Variants in APOO observed in about 807,000 individuals in gnomAD.
The protein encoded by APOO is apolipoprotein O, also known as MICOS complex subunit MIC26.
In APOO, 11 loss-of-function variants were observed where a neutral mutation model predicts 23.1. That is an observed-to-expected ratio of 0.48 (90% CI 0.30 to 0.79). The LOEUF is 0.79. Ranked by LOEUF, APOO falls within the 30% of genes least tolerant of loss-of-function variation. APOO has a pLI of 0.07. For missense variants in APOO, 160 were observed against 142.7 expected, an observed-to-expected ratio of 1.12 and a Z score of -0.62; for synonymous variants, 59 against 54.8, an observed-to-expected ratio of 1.08 and a Z score of -0.34.
chrX:23,906,295 A>G (rs1927351183), intron 1 of APOO, among the ~76,000 whole-genome samples: 1 of 112,913 alleles, frequency 8.9e-6, no homozygotes, highest in South Asian at 3.6e-4. Flanking sequence ...CCAACAATAG[A>G]TAACTGAGAC....
chrX:23,834,969 T>C (rs1051165594), intron 8 of APOO, among the ~76,000 whole-genome samples: 9 of 108,272 alleles, frequency 8.3e-5, no homozygotes, highest in African/African-American at 3.0e-4. Context: ...GTGATCTGCT[T>C]GCCTCAGCTT....
intron 5 of APOO, among the ~76,000 whole-genome samples, chrX:23,865,127 T>G (rs1175434885): frequency 9.0e-6 from 1 of 111,530 alleles, no homozygotes; most frequent in African/African-American, 3.3e-5. Flanking sequence ...TGGTGGCCAA[T>G]GCTGGGGAGA....
intron 1 of APOO, among the ~76,000 whole-genome samples, chrX:23,897,347 TGAGATAATTGTTCATTTAGGCAGG>T (rs2147047332): frequency 9.0e-6 from 1 of 111,196 alleles, no homozygotes; most frequent in Non-Finnish European, 1.9e-5. Context: ...GGCCAAAGAG[TGAGATAATTGTTCATTTAGGCAGG>T]TTTTGAGTCA....
chrX:23,883,833 GT>G (rs761702569), intron 1 of APOO: 1 of 112,070 alleles, frequency 8.9e-6, no homozygotes, highest in African/African-American at 3.2e-5. Flanking sequence ...TTCCCTAGGG[GT>G]TTTGAGCAGT....
intron 5 of APOO, among the ~76,000 whole-genome samples, chrX:23,864,366 G>A (rs925734655): frequency 1.8e-5 from 2 of 109,846 alleles, no homozygotes; most frequent in Admixed American, 9.8e-5. Flanking sequence ...GCAGTGGTGC[G>A]ATCTCGGCTT....
intron 1 of APOO, among the ~76,000 whole-genome samples, chrX:23,905,048 A>G (rs747529330): frequency 9.1e-6 from 1 of 110,109 alleles, no homozygotes; most frequent in East Asian, 2.9e-4. Context: ...GGTGTCCTCC[A>G]AGGTTTGTTG....
In APOO at chrX:23,856,273, A is replaced by T. The variant is rs148339162; in HGVS notation, c.561+29T>A. ...AGAGAAACCACATATTTAAACCAAA[A>T]GGAAGATAATGAAAAAGATGCTCCT... On this transcript the variant is annotated intron_variant, in intron 7 of 8. Transcript: ENST00000379226. 4,391 of 1,168,984 alleles carry T rather than the reference A, an allele frequency of 3.8e-3. 131 individuals carry two copies. The African/African-American group carries it at 0.069, about 18-fold the overall frequency.
chrX:23,907,838 T>C lies in APOO; in HGVS notation c.-136A>G. On this transcript the variant is annotated 5_prime_UTR_variant, in exon 1 of 9. Coordinates refer to ENST00000379226, the MANE Select transcript of APOO (RefSeq NM_024122.5). Reference sequence around the variant, plus strand: ...GCAGCGGTGCGGGTGACGGCCGTACTGCAAACTCGGTGCGGCGAAGGTTTA... The same window carrying C: ...GCAGCGGTGCGGGTGACGGCCGTACCGCAAACTCGGTGCGGCGAAGGTTTA... 5.8e-6 allele frequency: 4 copies of C among 687,508 alleles called. No homozygotes were observed. Among genetic ancestry groups the C allele is most frequent in the Non-Finnish European group, 8.1e-6 (4 of 492,539 alleles). 56.7% of individuals were successfully genotyped at this position (687,508 alleles called of 1,213,427 possible).
intron 4 of APOO, among the ~76,000 whole-genome samples, chrX:23,870,672 T>C (rs1016630793): frequency 4.6e-5 from 5 of 109,370 alleles, no homozygotes; most frequent in African/African-American, 1.7e-4. Flanking sequence ...ATGTCTGTGG[T>C]CCCAGCTACT....
chrX:23,835,946 T>C (rs185001740), intron 8 of APOO, among the ~76,000 whole-genome samples: 283 of 112,229 alleles, frequency 2.5e-3, no homozygotes, highest in African/African-American at 8.9e-3. Context: ...TTTCAACAGA[T>C]AAATAGCAAG....
At chrX:23,901,114 G>A (rs926208381) in intron 1 of APOO, among the ~76,000 whole-genome samples, 1 of 111,970 alleles carries the variant, frequency 8.9e-6, no homozygotes, top group Non-Finnish European at 1.9e-5. Context: ...TTAATTTCAG[G>A]AAGACAGGCA....
intron 1 of APOO, among the ~76,000 whole-genome samples, chrX:23,893,744 G>A (rs1429219071): frequency 9.1e-6 from 1 of 109,813 alleles, no homozygotes; most frequent in Non-Finnish European, 1.9e-5. Flanking sequence ...AATTTTTTTT[G>A]TATTTTCAGT....
rs751827926 is a variant in APOO at position 23,863,881 on chromosome X, A to T, written c.388+4712T>A. On this transcript the variant is annotated intron_variant, in intron 5 of 8. Coordinates refer to ENST00000379226, the MANE Select transcript of APOO (RefSeq NM_024122.5). Reference sequence around the variant, plus strand: ...TGGAGAAACCTGAGAATGAGGTTAAAAAAACCAGTAGAGGATGAAACTAGA... The same window carrying T: ...TGGAGAAACCTGAGAATGAGGTTAATAAAACCAGTAGAGGATGAAACTAGA... Among the ~76,000 whole-genome samples, 6 of 111,457 alleles carry T rather than the reference A, an allele frequency of 5.4e-5. No homozygotes were observed. In the East Asian group the frequency reaches 1.7e-3, roughly 31 times the overall value.
intron 7 of APOO, among the ~76,000 whole-genome samples, chrX:23,843,686 C>T (rs1414076677): frequency 9.7e-6 from 1 of 103,162 alleles, no homozygotes; most frequent in African/African-American, 3.5e-5. Context: ...TGGGTTCAAA[C>T]GATTCTCCTG....
At chrX:23,854,335 T>C (rs183335003) in intron 7 of APOO, among the ~76,000 whole-genome samples, 1,834 of 111,760 alleles carry the variant, frequency 0.016, 47 homozygotes, top group African/African-American at 0.056. Flanking sequence ...CAGTGAGCAC[T>C]CCGGGGAGCC....
intron 1 of APOO, among the ~76,000 whole-genome samples, chrX:23,895,945 G>A (rs1322751783): frequency 9.1e-6 from 1 of 110,184 alleles, no homozygotes; most frequent in Admixed American, 9.8e-5. Flanking sequence ...CATACCAAGG[G>A]TATATTTGAA....
At chrX:23,902,605 C>T (rs1927174046) in intron 1 of APOO, among the ~76,000 whole-genome samples, 1 of 112,054 alleles carries the variant, frequency 8.9e-6, no homozygotes, top group South Asian at 3.7e-4. Context: ...AATGCAAATA[C>T]TGGGCAGCTT....
chrX:23,890,170 T>C (rs1001166707), intron 1 of APOO, among the ~76,000 whole-genome samples: 4 of 111,944 alleles, frequency 3.6e-5, no homozygotes, highest in Non-Finnish European at 7.5e-5. Context: ...AAGTATAAAA[T>C]GAAAACTGTC....
At chrX:23,892,255 A>ATT (rs765843540) in intron 1 of APOO, among the ~76,000 whole-genome samples, 5 of 98,432 alleles carry the variant, frequency 5.1e-5, no homozygotes, top group African/African-American at 1.8e-4. Context: ...CCAGCTAATT[A>ATT]TTTTTTTTTT....
Sources: allele counts gnomAD v4.1 joint callset (sites outside exome capture counted in the v4.1 genomes callset), GRCh38; gene constraint gnomAD v4.1.1; transcripts MANE v1.5; gene names NCBI Gene and HGNC (gene_info 2026-07-23, HGNC 2026-07-21).